The following DCAF6 variants were observed in gnomAD, a reference collection of about 807,000 sequenced individuals.
DCAF6 encodes the protein DDB1 and CUL4 associated factor 6, also known as DDB1- and CUL4-associated factor 6.
A neutral mutation model predicts 125.1 loss-of-function variants in DCAF6; 54 were observed. The observed-to-expected ratio is 0.43, with a 90% CI of 0.35 to 0.54. The LOEUF (loss-of-function observed/expected upper bound fraction) is 0.54. DCAF6 is among the 20% of genes least tolerant of loss of function. The pLI is 0.01. For synonymous variants in DCAF6, 371 were observed against 390.4 expected, an observed-to-expected ratio of 0.95 and a Z score of 0.58; for missense variants, 934 against 1,161.7, an observed-to-expected ratio of 0.80 and a Z score of 2.85.
At chr1:167,991,882 G>T (rs1390152843) in intron 6 of DCAF6, among the ~76,000 whole-genome samples, 2 of 152,036 alleles carry the variant, frequency 1.3e-5, no homozygotes, top group Admixed American at 1.3e-4. Flanking sequence ...TTAGGGTGAG[G>T]TGGGCCCTGG....
At chr1:167,902,751 C>T in the DCAF6 span, among the ~76,000 whole-genome samples, 9 of 152,130 alleles carry the variant, frequency 5.9e-5, no homozygotes, top group East Asian at 9.6e-4. Flanking sequence ...CAGAGTAAAC[C>T]GTTGTCTTCA....
the DCAF6 span, chr1:167,901,876 T>C: frequency 6.2e-7 from 1 of 1,612,366 alleles, no homozygotes; most frequent in South Asian, 1.1e-5. Context: ...GAGATCTGTA[T>C]AGAAACTTAC....
At chr1:168,018,316 A>G (rs1571959638) in intron 11 of DCAF6, among the ~76,000 whole-genome samples, 1 of 152,354 alleles carries the variant, frequency 6.6e-6, no homozygotes, top group East Asian at 1.9e-4. Flanking sequence ...TTAAGTTTCA[A>G]ACTGTTTAAA....
At chr1:168,070,268 T>A (rs1692859437) in intron 21 of DCAF6, among the ~76,000 whole-genome samples, 1 of 151,886 alleles carries the variant, frequency 6.6e-6, no homozygotes, top group South Asian at 2.1e-4. Flanking sequence ...TGCCCAAGAG[T>A]TAACATTTCT....
chr1:168,068,449 A>G lies in DCAF6; in HGVS notation c.2777A>G (p.Asn926Ser), dbSNP rs770632797. The G allele has an allele frequency of 1.3e-6, 2 of 1,531,490 alleles. No homozygotes were observed. The highest frequency in any genetic ancestry group is 2.6e-5 in the South Asian group (2 of 77,896). 94.9% of individuals were successfully genotyped at this position (1,531,490 alleles called of 1,614,324 possible). A position where few individuals can be genotyped will look rare whatever the true frequency, so the allele number is the denominator to read the frequency against. Residue 926 changes from asparagine (N) to serine (S), a missense_variant, in exon 21 of 22, where the codon AAT (asparagine) becomes AGT (serine). Asn to Ser is a conservative substitution (Grantham distance 46). Transcript: ENST00000367840. ...SFMLRMLASL[N>S]HIRADRLEGD... ...ATGTTGAGGATGTTGGCTTCACTTA[A>G]TCATATCCGAGCTGGTAGGAACTTT... is the stretch of plus-strand genomic sequence containing the variant.
the DCAF6 span, among the ~76,000 whole-genome samples, chr1:167,921,400 T>G: frequency 6.6e-6 from 1 of 152,116 alleles, no homozygotes; most frequent in Non-Finnish European, 1.5e-5. Flanking sequence ...TTTTGTATTT[T>G]TAATAGAGAC....
rs529672189 is a variant in DCAF6 at position 167,937,119 on chromosome 1, A to T, written c.97+111A>T. On this transcript the variant is annotated intron_variant, in intron 1 of 21. Transcript: ENST00000367840. ...ACGGCGTCTCGGTGGGGGCGCCCGG[A>T]GACTCTGGGGTGTTGGGTGGGGCCT... 34 of 907,214 alleles carry T rather than the reference A, an allele frequency of 3.7e-5. No individual in the cohort carries two copies. In the African/African-American group the frequency reaches 5.7e-4, roughly 15 times the overall value. 56.2% of individuals were successfully genotyped at this position (907,214 alleles called of 1,614,324 possible).
chr1:168,023,132 G>C, intron 12 of DCAF6, 85 bp downstream of exon 12: 1 of 1,344,120 alleles, frequency 7.4e-7, no homozygotes, highest in Non-Finnish European at 1.1e-6. Context: ...ACCTTTCGTA[G>C]CATTTCATTT....
chr1:167,885,115 A>G, the DCAF6 span, among the ~76,000 whole-genome samples: 1 of 138,458 alleles, frequency 7.2e-6, no homozygotes, highest in African/African-American at 2.7e-5. Context: ...TGCAAATGAC[A>G]GATCTCATTT....
intron 7 of DCAF6, among the ~76,000 whole-genome samples, chr1:167,994,107 TTAA>T (rs1387248833): frequency 4.6e-5 from 7 of 152,156 alleles, no homozygotes; most frequent in East Asian, 1.9e-4. Context: ...GCGTCTATTC[TTAA>T]TAATGTATTA....
At chr1:167,935,698 A>G, upstream of DCAF6, 1 of 1,517,412 alleles carries the variant, frequency 6.6e-7, no homozygotes, top group South Asian at 1.2e-5. Flanking sequence ...AGCGAGAAGG[A>G]AGGTCTCGAT....
chr1:167,890,655 C>T, the DCAF6 span, among the ~76,000 whole-genome samples: 1 of 152,196 alleles, frequency 6.6e-6, no homozygotes, highest in Non-Finnish European at 1.5e-5. Flanking sequence ...TGATGAGTTC[C>T]TCCAGGCCCC....
chr1:168,058,200 C>T (rs1691134600), intron 17 of DCAF6, among the ~76,000 whole-genome samples: 1 of 152,156 alleles, frequency 6.6e-6, no homozygotes, highest in Non-Finnish European at 1.5e-5. Flanking sequence ...TTTGACTAAA[C>T]CACAGTTTAT....
intron 7 of DCAF6, among the ~76,000 whole-genome samples, chr1:167,995,740 A>G (rs963054851): frequency 1.3e-5 from 2 of 152,120 alleles, no homozygotes; most frequent in Admixed American, 1.3e-4. Context: ...TACATAGAAT[A>G]AATTAATAAT....
intron 4 of DCAF6, among the ~76,000 whole-genome samples, chr1:167,983,783 C>G (rs1177169177): frequency 6.6e-6 from 1 of 152,166 alleles, no homozygotes; most frequent in Non-Finnish European, 1.5e-5. Flanking sequence ...CCTAGTATTA[C>G]TGCCTCAAGC....
At chr1:167,873,268 G>A in the DCAF6 span, among the ~76,000 whole-genome samples, 2 of 152,224 alleles carry the variant, frequency 1.3e-5, no homozygotes, top group Admixed American at 6.5e-5. Flanking sequence ...TTTGGAATCT[G>A]GACTTAAATG....
chr1:168,043,865 A>T (rs998333169), intron 14 of DCAF6, among the ~76,000 whole-genome samples: 40 of 152,186 alleles, frequency 2.6e-4, no homozygotes, highest in African/African-American at 9.7e-4. Context: ...AACAGAATTT[A>T]TAGTATGGTC....
the DCAF6 span, among the ~76,000 whole-genome samples, chr1:167,925,466 T>TATATAC: frequency 8.6e-6 from 1 of 116,916 alleles, no homozygotes; most frequent in South Asian, 2.5e-4. Flanking sequence ...TATATATATA[T>TATATAC]ATATATATAC....
the DCAF6 span, chr1:167,918,182 T>C: frequency 1.7e-6 from 1 of 598,292 alleles, no homozygotes; most frequent in South Asian, 2.5e-5. Context: ...TTGCTGCATT[T>C]TTCTATTGAA....
Sources: allele counts gnomAD v4.1 joint callset (sites outside exome capture counted in the v4.1 genomes callset), GRCh38; gene constraint gnomAD v4.1.1; transcripts MANE v1.5; gene names NCBI Gene and HGNC (gene_info 2026-07-23, HGNC 2026-07-21).